Variants in PTPRG observed in about 807,000 individuals in gnomAD.
PTPRG encodes protein tyrosine phosphatase receptor type G.
In PTPRG, 102 loss-of-function variants were observed where a neutral mutation model predicts 165.3. The ratio of observed to expected loss-of-function variants is 0.62; its 90% CI spans 0.53 to 0.73. PTPRG has a LOEUF of 0.73. PTPRG is among the 30% of genes least tolerant of loss of function. PTPRG has a pLI of 0.00. For synonymous variants in PTPRG, 675 were observed against 669.5 expected, an observed-to-expected ratio of 1.01 and a Z score of -0.13; for missense variants, 1,866 against 1,861.4, an observed-to-expected ratio of 1.00 and a Z score of -0.05.
chr3:62,037,500 T>G (rs1202538607), intron 4 of PTPRG, among the ~76,000 whole-genome samples: 1 of 152,182 alleles, frequency 6.6e-6, no homozygotes, highest in Admixed American at 6.5e-5. Flanking sequence ...CTGCAGGCAT[T>G]AGCAAATATC....
chr3:62,289,657 C>T (rs896820320), intron 28 of PTPRG, among the ~76,000 whole-genome samples: 1 of 149,910 alleles, frequency 6.7e-6, no homozygotes, highest in East Asian at 2.0e-4. Context: ...AAAAAAAAAT[C>T]GATATTGAAA....
At chr3:62,018,946 A>AAG (rs945418716) in intron 4 of PTPRG, among the ~76,000 whole-genome samples, 8 of 152,190 alleles carry the variant, frequency 5.3e-5, no homozygotes, top group African/African-American at 1.9e-4. Flanking sequence ...AATAGAGTGC[A>AAG]AGAGTGGGTC....
chr3:61,595,768 A>G (rs765744693), intron 1 of PTPRG, among the ~76,000 whole-genome samples: 5 of 152,346 alleles, frequency 3.3e-5, no homozygotes, highest in African/African-American at 4.8e-5. Flanking sequence ...TATAGTAGCT[A>G]AGAAATCTAT....
At chr3:62,153,402 TA>T (rs1704415000) in intron 6 of PTPRG, among the ~76,000 whole-genome samples, 1 of 152,234 alleles carries the variant, frequency 6.6e-6, no homozygotes, top group Non-Finnish European at 1.5e-5. Context: ...TCAGAGAGGT[TA>T]AGGCCTAGGC....
At chr3:62,158,552 C>T (rs1305056957) in intron 7 of PTPRG, among the ~76,000 whole-genome samples, 1 of 152,130 alleles carries the variant, frequency 6.6e-6, no homozygotes, top group Non-Finnish European at 1.5e-5. Context: ...GGCCTTGGGT[C>T]ACATGTCCAT....
At chr3:61,582,677 C>T (rs1029332989) in intron 1 of PTPRG, among the ~76,000 whole-genome samples, 4 of 152,168 alleles carry the variant, frequency 2.6e-5, no homozygotes, top group Non-Finnish European at 5.9e-5. Flanking sequence ...TTCCTGTTTC[C>T]AGGCTGTAGA....
chr3:61,570,076 A>G (rs574122334), intron 1 of PTPRG, among the ~76,000 whole-genome samples: 16 of 152,312 alleles, frequency 1.1e-4, no homozygotes, highest in Non-Finnish European at 2.1e-4. Context: ...GTTACTCATT[A>G]CTGGGATTCA....
intron 1 of PTPRG, among the ~76,000 whole-genome samples, chr3:61,565,844 A>T (rs1377428129): frequency 1.3e-5 from 2 of 151,760 alleles, no homozygotes; most frequent in Non-Finnish European, 2.9e-5. Context: ...TGCGGGCTTT[A>T]GTTCTGATGG....
intron 3 of PTPRG, among the ~76,000 whole-genome samples, chr3:62,002,448 G>T (rs1480671491): frequency 6.6e-6 from 1 of 151,636 alleles, no homozygotes; most frequent in African/African-American, 2.4e-5. Flanking sequence ...TCCACTTCTA[G>T]AGAAACAAAA....
intron 4 of PTPRG, among the ~76,000 whole-genome samples, chr3:62,043,591 CTT>C (rs1466680708): frequency 1.3e-5 from 2 of 152,162 alleles, no homozygotes; most frequent in Admixed American, 1.3e-4. Context: ...TCTTTTGGCT[CTT>C]TGTTGAATAT....
intron 7 of PTPRG, among the ~76,000 whole-genome samples, chr3:62,164,292 ATGATGTAT>A: frequency 6.6e-6 from 1 of 152,164 alleles, no homozygotes; most frequent in African/African-American, 2.4e-5. Context: ...TTGCTGTGTA[ATGATGTAT>A]CAGTAGATTT....
chr3:62,268,801 A>G (rs931116340), intron 19 of PTPRG, among the ~76,000 whole-genome samples: 1 of 152,174 alleles, frequency 6.6e-6, no homozygotes, highest in African/African-American at 2.4e-5. Flanking sequence ...ATATATTGAA[A>G]GGTGACCATA....
At chr3:62,120,146 G>A (rs1576026244) in intron 5 of PTPRG, among the ~76,000 whole-genome samples, 2 of 152,042 alleles carry the variant, frequency 1.3e-5, no homozygotes, top group Admixed American at 1.3e-4. Context: ...GGCAGCCAGG[G>A]TAAAACAACT....
At chr3:61,747,878 G>T (rs143571351) in intron 1 of PTPRG, among the ~76,000 whole-genome samples, 145 of 152,054 alleles carry the variant, frequency 9.5e-4, no homozygotes, top group Middle Eastern at 3.4e-3. Context: ...TTGTTTGCGT[G>T]TAATTCCGTT....
At chr3:61,782,035 C>T (rs866867305) in intron 2 of PTPRG, among the ~76,000 whole-genome samples, 5 of 152,078 alleles carry the variant, frequency 3.3e-5, no homozygotes, top group South Asian at 2.1e-4. Flanking sequence ...GTCATAGCTT[C>T]AGCTCAGCAG....
chr3:61,692,583 G>T (rs980809306), intron 1 of PTPRG, among the ~76,000 whole-genome samples: 1 of 152,272 alleles, frequency 6.6e-6, no homozygotes, highest in East Asian at 1.9e-4. Flanking sequence ...TCAGCGAGGC[G>T]AGGTAGGGGT....
At chr3:62,055,659 C>G (rs1700609288) in intron 4 of PTPRG, among the ~76,000 whole-genome samples, 1 of 152,168 alleles carries the variant, frequency 6.6e-6, no homozygotes, top group South Asian at 2.1e-4. Flanking sequence ...TTGGTTCCTT[C>G]TGAGGGCTGT....
intron 1 of PTPRG, among the ~76,000 whole-genome samples, chr3:61,609,891 C>A (rs1293734608): frequency 6.6e-6 from 1 of 151,956 alleles, no homozygotes; most frequent in Non-Finnish European, 1.5e-5. Flanking sequence ...TTATTTCTAT[C>A]AATTTACACA....
intron 2 of PTPRG, among the ~76,000 whole-genome samples, chr3:61,908,322 A>C (rs1381972986): frequency 7.3e-6 from 1 of 137,228 alleles, no homozygotes; most frequent in Non-Finnish European, 1.5e-5. Flanking sequence ...GCTACTCGGG[A>C]GGCTGAGGTG....
Sources: allele counts gnomAD v4.1 joint callset (sites outside exome capture counted in the v4.1 genomes callset), GRCh38; gene constraint gnomAD v4.1.1; transcripts MANE v1.5; gene names NCBI Gene and HGNC (gene_info 2026-07-23, HGNC 2026-07-21).